The following TG variants were observed in gnomAD, a reference collection of about 807,000 sequenced individuals.
The protein encoded by TG is thyroglobulin.
A neutral mutation model predicts 324.7 loss-of-function variants in TG; 270 were observed. The observed-to-expected ratio is 0.83, with a 90% CI of 0.75 to 0.92. The LOEUF is 0.92. Ranked by LOEUF, TG falls within the 40% of genes least tolerant of loss-of-function variation. TG has a pLI of 0.00. For missense variants in TG, 3,591 were observed against 3,456.4 expected (o/e 1.04, Z -0.98); for synonymous variants, 1,401 against 1,327.0 (o/e 1.06, Z -1.21).
chr8:133,030,029 T>A lies in TG; in HGVS notation c.7239+6T>A. 1 of 1,614,164 alleles carries A rather than the reference T, an allele frequency of 6.2e-7. No individual in the cohort carries two copies. Among genetic ancestry groups the A allele is most frequent in the South Asian group, 1.1e-5 (1 of 91,084 alleles). ...TCCGGAGAGCTGTGCTGATGGTAAGTGGTGTGTGTTCTACCTTCAGTCTTA... is the reference window on the plus strand; with the variant it reads ...TCCGGAGAGCTGTGCTGATGGTAAGAGGTGTGTGTTCTACCTTCAGTCTTA... On this transcript the variant is annotated splice_donor_region_variant and intron_variant, in intron 41 of 47. Coordinates refer to ENST00000220616, the MANE Select transcript of TG (RefSeq NM_003235.5).
intron 20 of TG, among the ~76,000 whole-genome samples, chr8:132,919,137 C>T (rs1412971109): frequency 6.6e-6 from 1 of 152,198 alleles, no homozygotes; most frequent in East Asian, 1.9e-4. Flanking sequence ...AAATCCCTGT[C>T]TGACCCTCTC....
At chr8:133,102,279 G>A (rs560304266) in intron 43 of TG, 10 of 384,832 alleles carry the variant, frequency 2.6e-5, no homozygotes, top group African/African-American at 1.2e-4. Context: ...TCATGCCAAC[G>A]CTGCATAAGT....
chr8:132,898,373 C>T (rs1817429429), intron 13 of TG, 127 bp downstream of exon 13: 1 of 929,480 alleles, frequency 1.1e-6, no homozygotes, highest in African/African-American at 1.6e-5. Context: ...CGGGTGCAGC[C>T]AGACGCATTT....
chr8:132,971,853 T>C lies in TG; in HGVS notation c.6035T>C (p.Leu2012Pro). The change falls in exon 33 of 48, where the codon CTA (leucine) becomes CCA (proline). Residue 2012 changes from leucine (L) to proline (P), a missense_variant. Physicochemically the swap from Leu to Pro is moderately conservative, Grantham distance 98 (BLOSUM62 -3). Coordinates refer to ENST00000220616, the MANE Select transcript of TG (RefSeq NM_003235.5). ...CCATGCTGCACTGGCTTTGGATTTC[T>C]AAATGTTTCCCAGTTAAAAGGTAAT... ...ADPCCTGFGFLNVSQLKGGEV... is the reference protein window; with the variant it reads ...ADPCCTGFGFPNVSQLKGGEV... 6.2e-7 allele frequency: 1 copy of C among 1,613,158 alleles called. No homozygotes were observed. The highest frequency in any genetic ancestry group is 8.5e-7 in the Non-Finnish European group (1 of 1,179,104).
chr8:133,016,713 C>T (rs531261192), intron 37 of TG, among the ~76,000 whole-genome samples: 17 of 152,168 alleles, frequency 1.1e-4, no homozygotes, highest in South Asian at 8.3e-4. Flanking sequence ...GAGTGTTTAC[C>T]GCTTCCTTTG....
chr8:133,013,810 C>G (rs1321837348), intron 37 of TG, 46 bp downstream of exon 37: 1 of 1,587,298 alleles, frequency 6.3e-7, no homozygotes, highest in South Asian at 1.1e-5. Context: ...GAAACTGGGT[C>G]TGGGGAAGGG....
chr8:132,935,306 A>C (rs1823416856), intron 24 of TG, among the ~76,000 whole-genome samples: 2 of 151,540 alleles, frequency 1.3e-5, no homozygotes, highest in South Asian at 4.2e-4. Context: ...ACACCCGATT[A>C]ATTTTTTTTT....
At chr8:133,086,471 C>T (rs971931791) in intron 41 of TG, among the ~76,000 whole-genome samples, 2 of 152,074 alleles carry the variant, frequency 1.3e-5, no homozygotes, top group African/African-American at 2.4e-5. Flanking sequence ...TACGGATGTT[C>T]ATGTGGCACC....
chr8:132,971,770 CT>C (rs1829554146), intron 32 of TG, 23 bp from the exon 33 acceptor site: 3 of 1,581,710 alleles, frequency 1.9e-6, no homozygotes, highest in Non-Finnish European at 2.6e-6. Context: ...ACCTTCAGGC[CT>C]GCTCTTTCTC....
At chr8:132,885,135 G>GT (rs1403741146) in intron 8 of TG, among the ~76,000 whole-genome samples, 2 of 150,742 alleles carry the variant, frequency 1.3e-5, no homozygotes, top group Non-Finnish European at 2.9e-5. Context: ...AAGTTGGGGG[G>GT]GGGGCGTGGT....
intron 27 of TG, among the ~76,000 whole-genome samples, chr8:132,950,348 G>A (rs958896014): frequency 6.6e-6 from 1 of 152,226 alleles, no homozygotes; most frequent in African/African-American, 2.4e-5. Flanking sequence ...GAGAGGGTCA[G>A]TGGGATTCTT....
At chr8:132,988,432 C>T (rs2703013) in intron 35 of TG, among the ~76,000 whole-genome samples, 1 of 152,072 alleles carries the variant, frequency 6.6e-6, no homozygotes, top group African/African-American at 2.4e-5. Context: ...AGAAGAGGAC[C>T]GGGGCCAAAG....
chr8:132,953,155 G>A lies in TG; in HGVS notation c.5401+4212G>A, dbSNP rs113559559. Among the ~76,000 whole-genome samples, 1,385 of 152,322 alleles carry A rather than the reference G, an allele frequency of 9.1e-3. 13 individuals are homozygous for A. Among genetic ancestry groups the A allele is most frequent in the African/African-American group, 0.032 (1,319 of 41,552 alleles). Reference sequence around the variant, plus strand: ...GTTTTACAGGGCTGTTGGGAGAAGGGAACAGAAGATTCAGGAAAGCTGTAG... The same window carrying A: ...GTTTTACAGGGCTGTTGGGAGAAGGAAACAGAAGATTCAGGAAAGCTGTAG... On this transcript the variant is annotated intron_variant, in intron 27 of 47. Transcript: ENST00000220616.
intron 36 of TG, 64 bp from the exon 37 acceptor site, chr8:133,013,536 A>G: frequency 6.3e-7 from 1 of 1,596,338 alleles, no homozygotes; most frequent in Non-Finnish European, 8.6e-7. Flanking sequence ...GATGACTGGA[A>G]GAATGCATGA....
At chr8:133,126,181 G>T (rs1394648971) in intron 45 of TG, among the ~76,000 whole-genome samples, 1 of 152,140 alleles carries the variant, frequency 6.6e-6, no homozygotes, top group African/African-American at 2.4e-5. Flanking sequence ...GGGTTAAGCT[G>T]GAAAATGCTG....
intron 11 of TG, among the ~76,000 whole-genome samples, chr8:132,894,425 C>T (rs1816807816): frequency 6.6e-6 from 1 of 151,916 alleles, no homozygotes; most frequent in Non-Finnish European, 1.5e-5. Flanking sequence ...AGGGAGCCTG[C>T]AGTCCTCTGG....
intron 29 of TG, among the ~76,000 whole-genome samples, chr8:132,963,851 C>T (rs1277777739): frequency 6.6e-6 from 1 of 152,112 alleles, no homozygotes. Flanking sequence ...TGCTACAGAG[C>T]AGATACTAGA....
At chr8:132,942,054 C>T (rs560283667) in intron 26 of TG, among the ~76,000 whole-genome samples, 1 of 152,312 alleles carries the variant, frequency 6.6e-6, no homozygotes, top group African/African-American at 2.4e-5. Flanking sequence ...ATAGGCCTAT[C>T]ATTTTGAATA....
chr8:132,887,301 C>T lies in TG; in HGVS notation c.1929C>T (p.Gly643=). 6.2e-7 allele frequency: 1 copy of T among 1,605,346 alleles called. No individual in the cohort carries two copies. The highest frequency in any genetic ancestry group is 8.5e-7 in the Non-Finnish European group (1 of 1,174,098). Residue 643 remains glycine (G), a synonymous_variant, in exon 9 of 48, where the codon GGC becomes GGT. Coordinates refer to ENST00000220616, the MANE Select transcript of TG (RefSeq NM_003235.5). The part of the protein sequence containing the change: ...SGECWCVNSW[G]KELPGSRVRG... Reference sequence around the variant, plus strand: ...AGTGCTGGTGTGTGAATTCCTGGGGCAAAGAGCTTCCAGGCTCAAGAGTCA... The same window carrying T: ...AGTGCTGGTGTGTGAATTCCTGGGGTAAAGAGCTTCCAGGCTCAAGAGTCA...
Sources: gnomAD v4.1 joint callset for allele counts (sites outside exome capture counted in the v4.1 genomes callset) on GRCh38, gnomAD v4.1.1 for gene constraint, MANE v1.5 for transcripts, NCBI Gene and HGNC (gene_info 2026-07-23, HGNC 2026-07-21) for gene names.